The following SPTBN2 variants were observed in gnomAD, a reference collection of about 807,000 sequenced individuals.
SPTBN2 encodes the protein spectrin beta chain, non-erythrocytic 2.
Under a neutral mutation model 284.2 loss-of-function variants are expected in SPTBN2, and 107 were observed. The ratio of observed to expected loss-of-function variants is 0.38; its 90% CI spans 0.32 to 0.44. The LOEUF is 0.44. Ranked by LOEUF, SPTBN2 falls within the 20% of genes least tolerant of loss-of-function variation. The pLI is 1.00. For synonymous variants in SPTBN2, 1,289 were observed against 1,354.8 expected, an observed-to-expected ratio of 0.95 and a Z score of 1.07; for missense variants, 2,569 against 3,287.1, an observed-to-expected ratio of 0.78 and a Z score of 5.34.
intron 1 of SPTBN2, among the ~76,000 whole-genome samples, chr11:66,738,708 G>T (rs1157526550): frequency 1.3e-5 from 2 of 152,082 alleles, no homozygotes; most frequent in Non-Finnish European, 2.9e-5. Context: ...TAGAGATGTG[G>T]TTTCACCATG....
rs766115824 is a variant in SPTBN2, at chr11:66,704,831, G to A, written c.2445C>T (p.Pro815=). 23 of 1,606,268 alleles carry A rather than the reference G, an allele frequency of 1.4e-5. No homozygotes were observed. In the East Asian group the frequency reaches 3.8e-4, roughly 26 times the overall value. The change falls in exon 15 of 38, where the codon CCC becomes CCT. Residue 815 remains proline, a synonymous_variant. Coordinates refer to ENST00000533211, the MANE Select transcript of SPTBN2 (RefSeq NM_006946.4). Reference sequence around the variant, plus strand: ...GCACCTCGGGCGTGCGGCTCAGTGTGGGGGGCAGGGCTGCTGCCTGTTCCC... The same window carrying A: ...GCACCTCGGGCGTGCGGCTCAGTGTAGGGGGCAGGGCTGCTGCCTGTTCCC... ...ALREQAAALP[P]TLSRTPEVQS...
In SPTBN2 at chr11:66,684,567, G is replaced by A. The variant is rs1443136455; in HGVS notation, c.*1304C>T. 6.6e-6 allele frequency among the ~76,000 whole-genome samples: 1 copy of A among 151,840 alleles called. No individual in the cohort carries two copies. Among genetic ancestry groups the A allele is most frequent in the African/African-American group, 2.4e-5 (1 of 41,288 alleles). Reference sequence around the variant, plus strand: ...GGAGGATTGCTTGAACCCAGGAGGTGGAGGTTGCAATGGGCTGTGATTGCG... The same window carrying A: ...GGAGGATTGCTTGAACCCAGGAGGTAGAGGTTGCAATGGGCTGTGATTGCG... On this transcript the variant is annotated 3_prime_UTR_variant, in exon 38 of 38. Transcript: ENST00000533211.
rs375955100 is a variant in SPTBN2, at chr11:66,710,577, C to A, written c.1073+5G>T. The A allele has an allele frequency of 6.2e-7, 1 of 1,613,172 alleles. No individual in the cohort carries two copies. The highest frequency in any genetic ancestry group is 2.2e-5 in the East Asian group (1 of 44,854). ...AGGGAAGGGTGGGGCCCCAGGGACA[C>A]CTACTTGGGCGGCTTCTCCACGGTG... On this transcript the variant is annotated splice_donor_5th_base_variant and intron_variant, in intron 10 of 37. Transcript: ENST00000533211. This position sits in a 1 kb window ranked among gnomAD's most constrained non-coding sequence, Gnocchi z 4.9.
chr11:66,701,266 G>C lies in SPTBN2; in HGVS notation c.2833C>G (p.Arg945Gly). ...GCTGCCTTCTTGCCGTCTGCCAGAC[G>C]CCGAAACTGCTGCCACCTGAGAGCA... ...QLNHRWQQFR[R>G]LADGKKAALT... is the part of the protein sequence containing the mutation. Residue 945 changes from arginine (R) to glycine (G), a missense_variant, in exon 17 of 38, where the codon CGT (arginine) becomes GGT (glycine). Arg to Gly is a moderately radical substitution (Grantham distance 125). This residue lies in a region of SPTBN2 where 1,012 missense variants were observed against 1,248.9 expected (regional missense o/e 0.81). Transcript: ENST00000533211. 1 of 1,612,374 alleles carries C rather than the reference G, an allele frequency of 6.2e-7. No homozygotes were observed. The highest frequency in any genetic ancestry group is 2.2e-5 in the East Asian group (1 of 44,878).
In SPTBN2 at chr11:66,721,460, A is replaced by G. The variant is rs1445667524; in HGVS notation, c.-113-20T>C. Reference sequence around the variant, plus strand: ...GGAAGCCTGGGGACGGGAATACATCAGAAGCACAGAAAGTGAAGCAGGAAG... The same window carrying G: ...GGAAGCCTGGGGACGGGAATACATCGGAAGCACAGAAAGTGAAGCAGGAAG... On this transcript the variant is annotated intron_variant, in intron 1 of 37. Transcript: ENST00000533211. 2.4e-5 allele frequency: 15 copies of G among 617,764 alleles called. No individual in the cohort carries two copies. The highest frequency in any genetic ancestry group is 3.6e-5 in the African/African-American group (2 of 54,826). 38.3% of individuals were successfully genotyped at this position (617,764 alleles called of 1,614,324 possible).
chr11:66,695,938 T>C (rs977305097), intron 21 of SPTBN2, among the ~76,000 whole-genome samples: 3 of 152,088 alleles, frequency 2.0e-5, no homozygotes, highest in African/African-American at 7.2e-5. Context: ...GGTTTCACCA[T>C]GTTGGCCAGG....
At position 66,684,104 on chromosome 11, in the gene SPTBN2, G is replaced by A. The variant is rs143213402; in HGVS notation, c.*1767C>T. Among the ~76,000 whole-genome samples the A allele has an allele frequency of 1.3e-5, 2 of 152,296 alleles. No homozygotes were observed. The highest frequency in any genetic ancestry group is 2.9e-5 in the Non-Finnish European group (2 of 68,030). On this transcript the variant is annotated 3_prime_UTR_variant, in exon 38 of 38. Transcript: ENST00000533211. ...CCTGCACACACCTAACTCGGTCTTC[G>A]TCATGACTGATGATAGGCCCGCAGT...
At position 66,690,256 on chromosome 11, in the gene SPTBN2, G is replaced by C; in HGVS notation, c.5593C>G (p.Arg1865Gly). Residue 1865 changes from arginine (R) to glycine (G), a missense_variant, in exon 28 of 38, where the codon CGG (arginine) becomes GGG (glycine). By Grantham distance (125) the Arg-to-Gly change is moderately radical. This residue lies in a region of SPTBN2 where 1,130 missense variants were observed against 1,317.3 expected (regional missense o/e 0.86). Transcript: ENST00000533211. ...QVQQVQDDGHRLQKAYAGDKA... is the reference protein window; with the variant it reads ...QVQQVQDDGHGLQKAYAGDKA... ...TCTCCAGCGTAGGCCTTCTGGAGCC[G>C]GTGGCCGTCGTCCTGCACCTGCTGG... The C allele has an allele frequency of 6.2e-7, 1 of 1,611,154 alleles. No homozygotes were observed. Among genetic ancestry groups the C allele is most frequent in the African/African-American group, 1.3e-5 (1 of 75,000 alleles).
At chr11:66,697,406 C>T (rs1940980273) in intron 20 of SPTBN2, among the ~76,000 whole-genome samples, 1 of 152,150 alleles carries the variant, frequency 6.6e-6, no homozygotes, top group Non-Finnish European at 1.5e-5. Flanking sequence ...CAACCCTGAG[C>T]ACAATCAACA....
chr11:66,722,801 G>C (rs1417197023), intron 1 of SPTBN2, among the ~76,000 whole-genome samples: 1 of 149,806 alleles, frequency 6.7e-6, no homozygotes, highest in Non-Finnish European at 1.5e-5. Context: ...GCTGAGACAG[G>C]AGAATCACTT....
chr11:66,689,898 G>A lies in SPTBN2; in HGVS notation c.5856C>T (p.Ile1952=). ...CTGCCCGGGCCTCTATCTCTGCCTT[G>A]ATGCCTTGCTGGTTCTTGATGACTA... ...ADLVIKNQQG[I]KAEIEARADR... Residue 1952 remains isoleucine, a synonymous_variant, in exon 29 of 38, where the codon ATC becomes ATT. Coordinates refer to ENST00000533211, the MANE Select transcript of SPTBN2 (RefSeq NM_006946.4). 6.2e-7 allele frequency: 1 copy of A among 1,614,162 alleles called. No homozygotes were observed. Among genetic ancestry groups the A allele is most frequent in the East Asian group, 2.2e-5 (1 of 44,874 alleles).
chr11:66,742,074 G>C (rs1313552390), intron 1 of SPTBN2, among the ~76,000 whole-genome samples: 2 of 152,044 alleles, frequency 1.3e-5, no homozygotes, highest in African/African-American at 4.8e-5. Context: ...CTCCTGCCTT[G>C]GCCTCCCAAA....
At position 66,693,874 on chromosome 11, in the gene SPTBN2, G is replaced by C. The variant is rs373601550; in HGVS notation, c.4504-13C>G. 7.4e-6 allele frequency: 12 copies of C among 1,613,076 alleles called. No individual in the cohort carries two copies. Among genetic ancestry groups the C allele is most frequent in the Non-Finnish European group, 1.0e-5 (12 of 1,179,480 alleles). ...CTGTCACCCACAACTGGAAGAGGAAGAGGGGGTCAGTGGAGGCCCAGAGGG... is the reference window on the plus strand; with the variant it reads ...CTGTCACCCACAACTGGAAGAGGAACAGGGGGTCAGTGGAGGCCCAGAGGG... On this transcript the variant is annotated splice_polypyrimidine_tract_variant and intron_variant, in intron 22 of 37. Transcript: ENST00000533211. The surrounding 1 kb of genome is among the most constrained non-coding windows in gnomAD (Gnocchi z 5.7).
intron 1 of SPTBN2, among the ~76,000 whole-genome samples, chr11:66,726,291 G>C (rs1489087042): frequency 2.0e-5 from 3 of 152,138 alleles, no homozygotes; most frequent in African/African-American, 7.2e-5. Context: ...TCAGGTCTGG[G>C]GATTCTCAAA....
rs56728005 is a variant in SPTBN2 at position 66,714,924 on chromosome 11, A to G, written c.483+298T>C. On this transcript the variant is annotated intron_variant, in intron 5 of 37. Coordinates refer to ENST00000533211, the MANE Select transcript of SPTBN2 (RefSeq NM_006946.4). ...CCCTGTGGTGAAGGACCAGTTGGTA[A>G]AACTTCCAGTCTCCTGTGGACCAAC... Among the ~76,000 whole-genome samples the G allele has an allele frequency of 2.0e-5, 3 of 152,282 alleles. No individual in the cohort carries two copies. The East Asian group carries it at 5.8e-4, about 29-fold the overall frequency.
Position 66,707,458 on chromosome 11 carries a change from T to C in SPTBN2, c.1653+58A>G, listed in dbSNP as rs1025513727. ...CGAGCAGACGGGCGGACGCACCCAC[T>C]GTGGGGCCCCCTCGACTCTTGATCA... is the stretch of plus-strand genomic sequence containing the variant. On this transcript the variant is annotated intron_variant, in intron 13 of 37. Coordinates refer to ENST00000533211, the MANE Select transcript of SPTBN2 (RefSeq NM_006946.4). The surrounding 1 kb of genome is among the most constrained non-coding windows in gnomAD (Gnocchi z 4.9). 1.6e-5 allele frequency: 25 copies of C among 1,544,346 alleles called. No homozygotes were observed. Among genetic ancestry groups the C allele is most frequent in the Admixed American group, 3.9e-5 (2 of 51,230 alleles).
chr11:66,693,159 T>TA lies in SPTBN2; in HGVS notation c.4854+26dup, dbSNP rs1214960807. ...TCAGGGGAGGGCAGAACTGGTCACATACACTGGGCTCTGTCCTGGCCCTCA... is the reference window on the plus strand; with the variant it reads ...TCAGGGGAGGGCAGAACTGGTCACATAACACTGGGCTCTGTCCTGGCCCTCA... On this transcript the variant is annotated intron_variant, in intron 24 of 37. Transcript: ENST00000533211. The surrounding 1 kb of genome is among the most constrained non-coding windows in gnomAD (Gnocchi z 5.7). 1 of 1,614,210 alleles carries TA rather than the reference T, an allele frequency of 6.2e-7. No individual in the cohort carries two copies. Among genetic ancestry groups the TA allele is most frequent in the South Asian group, 1.1e-5 (1 of 91,088 alleles).
intron 18 of SPTBN2, 78 bp downstream of exon 18, chr11:66,699,328 C>G (rs766124281): frequency 1.7e-5 from 26 of 1,563,278 alleles, no homozygotes; most frequent in Non-Finnish European, 2.2e-5. Flanking sequence ...GTTTCCTGTG[C>G]CACGTTTATC....
chr11:66,733,261 A>G (rs1479636036), upstream of SPTBN2, among the ~76,000 whole-genome samples: 1 of 152,130 alleles, frequency 6.6e-6, no homozygotes, highest in Admixed American at 6.5e-5. Context: ...TCCAGTTGCT[A>G]TGGAGGGGTG....
Sources: gnomAD v4.1 joint callset for allele counts (sites outside exome capture counted in the v4.1 genomes callset) on GRCh38, gnomAD v4.1.1 for gene constraint, gnomAD v4.1.1 regional missense constraint, Gnocchi (gnomAD v3.1) non-coding constraint, MANE v1.5 for transcripts, NCBI Gene and HGNC (gene_info 2026-07-23, HGNC 2026-07-21) for gene names.